RAPGEF1: variants seen among roughly 807,000 people sequenced by gnomAD.
RAPGEF1 encodes Rap guanine nucleotide exchange factor 1.
A neutral mutation model predicts 143.3 loss-of-function variants in RAPGEF1; 33 were observed. The observed-to-expected ratio is 0.23, with a 90% CI of 0.17 to 0.31. The LOEUF is 0.31. RAPGEF1 is among the 10% of genes least tolerant of loss of function. The pLI is 1.00. For synonymous variants in RAPGEF1, 629 were observed against 676.5 expected (o/e 0.93, Z 1.09); for missense variants, 1,199 against 1,645.4 (o/e 0.73, Z 4.69).
intron 1 of RAPGEF1, among the ~76,000 whole-genome samples, chr9:131,672,914 G>A (rs889355394): frequency 6.6e-6 from 1 of 152,166 alleles, no homozygotes; most frequent in Non-Finnish European, 1.5e-5. Context: ...AAGGCTCAGA[G>A]CACCAGTCAG....
At chr9:131,604,170 G>T in intron 13 of RAPGEF1, 117 bp from the exon 14 acceptor site, 1 of 521,984 alleles carries the variant, frequency 1.9e-6, no homozygotes, top group Non-Finnish European at 3.3e-6. Flanking sequence ...AGAGAGCAAA[G>T]CTGCTTTTGC....
intron 3 of RAPGEF1, among the ~76,000 whole-genome samples, chr9:131,645,019 T>C (rs535527871): frequency 5.4e-4 from 83 of 152,342 alleles, no homozygotes; most frequent in African/African-American, 1.9e-3. Context: ...GTGGGGGAAG[T>C]GCCCTTCCTC....
Position 131,667,461 on chromosome 9 carries a change from G to T in RAPGEF1, c.62-16512C>A, listed in dbSNP as rs976216371. Reference sequence around the variant, plus strand: ...TTCCTCCTCCACAGTACCTGGTACAGGGACAGAGGTGGCTGGGTGATGGCC... The same window carrying T: ...TTCCTCCTCCACAGTACCTGGTACATGGACAGAGGTGGCTGGGTGATGGCC... On this transcript the variant is annotated intron_variant, in intron 1 of 26. Transcript: ENST00000683357. This position sits in a 1 kb window ranked among gnomAD's most constrained non-coding sequence, Gnocchi z 4.6. 5.3e-5 allele frequency among the ~76,000 whole-genome samples: 8 copies of T among 152,216 alleles called. No individual in the cohort carries two copies. The highest frequency in any genetic ancestry group is 1.9e-4 in the African/African-American group (8 of 41,444).
chr9:131,695,943 G>A (rs1264089183), intron 1 of RAPGEF1, among the ~76,000 whole-genome samples: 1 of 152,236 alleles, frequency 6.6e-6, no homozygotes, highest in Non-Finnish European at 1.5e-5. Context: ...ATAATGACCT[G>A]AAAGGCAGAG....
chr9:131,718,891 C>T (rs185255678), intron 1 of RAPGEF1, among the ~76,000 whole-genome samples: 109 of 152,328 alleles, frequency 7.2e-4, no homozygotes, highest in African/African-American at 2.6e-3. Context: ...GAGCCCAAAA[C>T]AGAAGGCTGA....
At chr9:131,582,040 T>C (rs1951939978) in intron 25 of RAPGEF1, among the ~76,000 whole-genome samples, 1 of 152,356 alleles carries the variant, frequency 6.6e-6, no homozygotes, top group South Asian at 2.1e-4. Flanking sequence ...TCGTAAGTCC[T>C]GCAACAGACA....
chr9:131,605,137 C>A lies in RAPGEF1; in HGVS notation c.2113G>T (p.Ala705Ser). 7.3e-7 allele frequency: 1 copy of A among 1,362,834 alleles called. No homozygotes were observed. The highest frequency in any genetic ancestry group is 9.8e-7 in the Non-Finnish European group (1 of 1,020,106). The allele number at this position is 1,362,834 out of a possible 1,614,324, so 84.4% of individuals were successfully genotyped here. ...GGCGGAAGGAAAGGCGGAACGGAAG[C>A]TTGGTGGTGAGGCACGAAATCCTGG... ...YSQDFVPHHQ[A>S]SVPPFLPPTS... The change falls in exon 13 of 27, where the codon GCT (alanine) becomes TCT (serine). Residue 705 changes from alanine (A) to serine (S), a missense_variant. Physicochemically the swap from Ala to Ser is moderately conservative, Grantham distance 99. This residue lies in a region of RAPGEF1 where 293 missense variants were observed against 356.2 expected (regional missense o/e 0.82). Coordinates refer to ENST00000683357, the MANE Select transcript of RAPGEF1 (RefSeq NM_001377935.1).
chr9:131,608,021 G>T (rs965757677), intron 12 of RAPGEF1, among the ~76,000 whole-genome samples: 1 of 152,250 alleles, frequency 6.6e-6, no homozygotes, highest in Non-Finnish European at 1.5e-5. Flanking sequence ...GCACAGGGCA[G>T]CGGCTGACTG....
At chr9:131,733,975 A>T (rs1220319450) in intron 1 of RAPGEF1, among the ~76,000 whole-genome samples, 1 of 152,214 alleles carries the variant, frequency 6.6e-6, no homozygotes, top group Non-Finnish European at 1.5e-5. Flanking sequence ...TGATTTTTCT[A>T]AAAACACACT....
intron 1 of RAPGEF1, among the ~76,000 whole-genome samples, chr9:131,689,680 A>G (rs1271095230): frequency 6.6e-6 from 1 of 152,064 alleles, no homozygotes; most frequent in Non-Finnish European, 1.5e-5. Flanking sequence ...CTGGGACTAC[A>G]GGTGCCCACT....
chr9:131,728,691 C>G (rs1836828708), intron 1 of RAPGEF1, among the ~76,000 whole-genome samples: 1 of 152,196 alleles, frequency 6.6e-6, no homozygotes, highest in Admixed American at 6.5e-5. Context: ...AAAGGAAATA[C>G]CTCAATAGTC....
At chr9:131,637,005 C>T (rs1433365947) in intron 5 of RAPGEF1, among the ~76,000 whole-genome samples, 1 of 152,162 alleles carries the variant, frequency 6.6e-6, no homozygotes, top group Non-Finnish European at 1.5e-5. Context: ...GCGGGCAGAT[C>T]ACCTGAGGTC....
In RAPGEF1 at chr9:131,667,308, AC is replaced by A. The variant is rs1191385122; in HGVS notation, c.62-16360del. Among the ~76,000 whole-genome samples, 2 of 151,264 alleles carry A rather than the reference AC, an allele frequency of 1.3e-5. No individual in the cohort carries two copies. Among genetic ancestry groups the A allele is most frequent in the African/African-American group, 4.9e-5 (2 of 41,080 alleles). On this transcript the variant is annotated intron_variant, in intron 1 of 26. Transcript: ENST00000683357. The surrounding 1 kb of genome is among the most constrained non-coding windows in gnomAD (Gnocchi z 4.6). ...GCCCAGCCAAGGCATTCTTATTACCACTCAACAGATGAGGAGACCGAGTCAC... is the reference window on the plus strand; with the variant it reads ...GCCCAGCCAAGGCATTCTTATTACCATCAACAGATGAGGAGACCGAGTCAC...
chr9:131,595,522 T>C (rs755043264), intron 17 of RAPGEF1, among the ~76,000 whole-genome samples: 6 of 152,160 alleles, frequency 3.9e-5, no homozygotes, highest in African/African-American at 9.7e-5. Flanking sequence ...TACTTCACCA[T>C]TGCTCTGACA....
At chr9:131,666,547 T>C (rs780337884) in intron 1 of RAPGEF1, among the ~76,000 whole-genome samples, 3 of 152,044 alleles carry the variant, frequency 2.0e-5, no homozygotes, top group Non-Finnish European at 4.4e-5. Context: ...CTACCACGCC[T>C]GGCTAATTTT....
At chr9:131,616,216 G>A (rs1245145882) in intron 12 of RAPGEF1, among the ~76,000 whole-genome samples, 2 of 152,114 alleles carry the variant, frequency 1.3e-5, no homozygotes, top group African/African-American at 2.4e-5. Flanking sequence ...GCAGTGAGCC[G>A]AGATCGTGCC....
At chr9:131,590,713 C>T (rs1474303186) in intron 18 of RAPGEF1, among the ~76,000 whole-genome samples, 2 of 152,226 alleles carry the variant, frequency 1.3e-5, no homozygotes, top group East Asian at 1.9e-4. Flanking sequence ...GACAGAGCAA[C>T]GTACCAGGGA....
At chr9:131,605,927 AGC>A (rs907019292) in intron 12 of RAPGEF1, among the ~76,000 whole-genome samples, 6 of 152,162 alleles carry the variant, frequency 3.9e-5, no homozygotes, top group Admixed American at 3.9e-4. Context: ...TACAAAAATG[AGC>A]TGGGGGTGGT....
chr9:131,660,008 C>T (rs1001496530), intron 1 of RAPGEF1, among the ~76,000 whole-genome samples: 6 of 152,082 alleles, frequency 3.9e-5, no homozygotes, highest in Admixed American at 2.6e-4. Flanking sequence ...TCAGTAGAGA[C>T]GGGGTTTCAC....
Sources: allele counts gnomAD v4.1 joint callset (sites outside exome capture counted in the v4.1 genomes callset), GRCh38; gene constraint gnomAD v4.1.1; regional missense constraint gnomAD v4.1.1; non-coding constraint Gnocchi (gnomAD v3.1); transcripts MANE v1.5; gene names NCBI Gene and HGNC (gene_info 2026-07-23, HGNC 2026-07-21).